The following PKHD1L1 variants were observed in gnomAD, a reference collection of about 807,000 sequenced individuals.
PKHD1L1 encodes fibrocystin-L.
PKHD1L1 carries 434 observed loss-of-function variants against 462.9 expected under a neutral mutation model. The observed-to-expected ratio is 0.94, with a 90% CI of 0.87 to 1.02. PKHD1L1 has a LOEUF of 1.02. PKHD1L1 is among the 50% of genes least tolerant of loss of function. PKHD1L1 has a pLI of 0.00. For missense variants in PKHD1L1, 5,202 were observed against 5,096.1 expected (o/e 1.02, Z -0.63); for synonymous variants, 1,781 against 1,750.0 (o/e 1.02, Z -0.44).
chr8:109,417,767 G>C lies in PKHD1L1; in HGVS notation c.2361-1330G>C, dbSNP rs367597964. ...GGGTTTCACCATATTGGTCAGGCTG[G>C]TCTCGAGCTCCTGACCTCGTGATCC... On this transcript the variant is annotated intron_variant, in intron 21 of 77. Coordinates refer to ENST00000378402, the MANE Select transcript of PKHD1L1 (RefSeq NM_177531.6). 3.6e-4 allele frequency among the ~76,000 whole-genome samples: 55 copies of C among 152,202 alleles called. 1 individual carries two copies. The East Asian group carries it at 8.7e-3, about 24-fold the overall frequency.
chr8:109,389,015 G>A (rs2130469987), intron 7 of PKHD1L1, 64 bp from the exon 8 acceptor site: 3 of 1,131,610 alleles, frequency 2.7e-6, no homozygotes, highest in South Asian at 3.0e-5. Context: ...GTTTTTAAGA[G>A]AAACACAATA....
rs1163073172 is a variant in PKHD1L1, at chr8:109,445,021, G to C, written c.5152G>C (p.Ala1718Pro). Residue 1718 changes from alanine to proline, a missense_variant, in exon 38 of 78, where the codon GCC becomes CCC. Coordinates refer to ENST00000378402, the MANE Select transcript of PKHD1L1 (RefSeq NM_177531.6). Reference sequence around the variant, plus strand: ...CATTGAATGTGAAACATCCCCTGCTGCCCAACAGCTTGTGGATGTAGATCT... The same window carrying C: ...CATTGAATGTGAAACATCCCCTGCTCCCCAACAGCTTGTGGATGTAGATCT... The part of the protein sequence containing the change: ...TAIECETSPA[A>P]QQLVDVDLLI... The C allele has an allele frequency of 1.9e-6, 3 of 1,613,844 alleles. No individual in the cohort carries two copies. The African/African-American group carries it at 4.0e-5, about 22-fold the overall frequency.
At chr8:109,516,146 A>G (rs1011647807) in intron 72 of PKHD1L1, among the ~76,000 whole-genome samples, 1 of 152,150 alleles carries the variant, frequency 6.6e-6, no homozygotes, top group African/African-American at 2.4e-5. Context: ...TTGTTACTAC[A>G]TCATAGTAAC....
chr8:109,448,223 A>G lies in PKHD1L1; in HGVS notation c.5857A>G (p.Ile1953Val), dbSNP rs753876545. The G allele has an allele frequency of 6.2e-7, 1 of 1,613,430 alleles. No individual in the cohort carries two copies. The highest frequency in any genetic ancestry group is 8.5e-7 in the Non-Finnish European group (1 of 1,179,716). ...ILEISVMINN[I>V]QCNVTMANDS... ...GGAAATCTCCGTGATGATAAATAAC[A>G]TTCAGTGTAATGTAACCATGGCCAA... Residue 1953 changes from isoleucine to valine, a missense_variant, in exon 39 of 78, where the codon ATT becomes GTT. Coordinates refer to ENST00000378402, the MANE Select transcript of PKHD1L1 (RefSeq NM_177531.6).
At chr8:109,470,217 T>C in intron 50 of PKHD1L1, 2 of 1,105,536 alleles carry the variant, frequency 1.8e-6, no homozygotes, top group South Asian at 1.4e-5. Flanking sequence ...CCAGTTACTC[T>C]ACTGAGCCTT....
At chr8:109,371,006 T>A (rs1363397401) in intron 2 of PKHD1L1, among the ~76,000 whole-genome samples, 1 of 152,212 alleles carries the variant, frequency 6.6e-6, no homozygotes, top group Non-Finnish European at 1.5e-5. Flanking sequence ...TGATTTATAA[T>A]CCTTTGGGTA....
chr8:109,442,065 A>G lies in PKHD1L1; in HGVS notation c.4263A>G (p.Thr1421=). Residue 1421 remains threonine, a synonymous_variant, in exon 35 of 78, where the codon ACA becomes ACG. Coordinates refer to ENST00000378402, the MANE Select transcript of PKHD1L1 (RefSeq NM_177531.6). Reference sequence around the variant, plus strand: ...TCCTAAATGTGTCTGTGGGGGACACAGTGGCATGGCATTGGCAAACACATC... The same window carrying G: ...TCCTAAATGTGTCTGTGGGGGACACGGTGGCATGGCATTGGCAAACACATC... ...PPVLNVSVGD[T]VAWHWQTHPF... is the part of the protein sequence containing the mutation. 6.2e-7 allele frequency: 1 copy of G among 1,613,530 alleles called. No homozygotes were observed. Among genetic ancestry groups the G allele is most frequent in the Non-Finnish European group, 8.5e-7 (1 of 1,179,592 alleles).
In PKHD1L1 at chr8:109,454,240, T is replaced by C; in HGVS notation, c.6738T>C (p.Val2246=). The change falls in exon 44 of 78, where the codon GTT becomes GTC. Residue 2246 remains valine, a synonymous_variant. Transcript: ENST00000378402. ...ATATTCTAATTACAGATGGAGGTGT[T>C]CTTCAGGTATTCAAAAGAACATAAT... The part of the protein sequence containing the change: ...AENILITDGG[V]LQIGTETSPF... 6.3e-7 allele frequency: 1 copy of C among 1,598,554 alleles called. No individual in the cohort carries two copies. Among genetic ancestry groups the C allele is most frequent in the Non-Finnish European group, 8.5e-7 (1 of 1,171,760 alleles).
chr8:109,404,956 T>C (rs1202428103), intron 15 of PKHD1L1, 39 bp from the exon 16 acceptor site: 1 of 1,308,644 alleles, frequency 7.6e-7, no homozygotes, highest in South Asian at 1.6e-5. Flanking sequence ...GATATATATA[T>C]TTTTCATATA....
At chr8:109,454,953 G>C (rs1474676548) in intron 45 of PKHD1L1, 101 bp downstream of exon 45, 14 of 1,394,070 alleles carry the variant, frequency 1.0e-5, no homozygotes, top group Non-Finnish European at 1.3e-5. Context: ...GTGATAAAGT[G>C]AAAGTGTGTT....
At chr8:109,373,828 T>G (rs1413400451) in intron 2 of PKHD1L1, among the ~76,000 whole-genome samples, 1 of 152,374 alleles carries the variant, frequency 6.6e-6, no homozygotes, top group Admixed American at 6.5e-5. Flanking sequence ...AGTGAGTTTC[T>G]TAATCCTGAG....
At position 109,429,469 on chromosome 8, in the gene PKHD1L1, T is replaced by C; in HGVS notation, c.3123+7T>C. ...ACCCAGTCAACAGCCACAGGTATTT[T>C]TGAAACTTTTCTCATGATGCTTAAT... On this transcript the variant is annotated splice_region_variant and intron_variant, in intron 26 of 77. Transcript: ENST00000378402. 6.2e-7 allele frequency: 1 copy of C among 1,603,568 alleles called. No homozygotes were observed. Among genetic ancestry groups the C allele is most frequent in the Non-Finnish European group, 8.5e-7 (1 of 1,174,374 alleles).
At chr8:109,387,312 C>CTAAAAAG in intron 6 of PKHD1L1, among the ~76,000 whole-genome samples, 1 of 152,098 alleles carries the variant, frequency 6.6e-6, no homozygotes, top group Non-Finnish European at 1.5e-5. Flanking sequence ...AAAAAGAATT[C>CTAAAAAG]TAAAAAGTAT....
At chr8:109,374,062 A>G (rs1318869987) in intron 2 of PKHD1L1, among the ~76,000 whole-genome samples, 1 of 151,952 alleles carries the variant, frequency 6.6e-6, no homozygotes, top group African/African-American at 2.4e-5. Context: ...TATCCTTGTT[A>G]ACTTTCTGTC....
chr8:109,424,432 G>A (rs904888972), intron 23 of PKHD1L1, among the ~76,000 whole-genome samples: 14 of 152,092 alleles, frequency 9.2e-5, no homozygotes, highest in African/African-American at 1.2e-4. Context: ...TAGCACTAAT[G>A]TTTATTCATT....
chr8:109,434,504 T>C (rs1815288162), intron 28 of PKHD1L1, among the ~76,000 whole-genome samples: 1 of 152,184 alleles, frequency 6.6e-6, no homozygotes, highest in Non-Finnish European at 1.5e-5. Flanking sequence ...AGTCTCATTC[T>C]GTTGCCCAGG....
rs376967492 is a variant in PKHD1L1 at position 109,441,381 on chromosome 8, T to C, written c.4204+2T>C. ...TTACCAACAATGGGAAAGATTCAGGTATCAGCCATTTATATACTATGAAAT... is the reference window on the plus strand; with the variant it reads ...TTACCAACAATGGGAAAGATTCAGGCATCAGCCATTTATATACTATGAAAT... On this transcript the variant is annotated splice_donor_variant, in intron 34 of 77. Transcript: ENST00000378402. LOFTEE classifies it high-confidence loss of function. 15 of 1,500,118 alleles carry C rather than the reference T, an allele frequency of 1.0e-5. No individual in the cohort carries two copies. The highest frequency in any genetic ancestry group is 1.4e-5 in the Non-Finnish European group (15 of 1,092,074). The allele number at this position is 1,500,118 out of a possible 1,614,324, so 92.9% of individuals were successfully genotyped here. A position where few individuals can be genotyped will look rare whatever the true frequency, so the allele number is the denominator to read the frequency against.
chr8:109,507,088 T>A (rs1237363518), intron 68 of PKHD1L1, among the ~76,000 whole-genome samples: 1 of 152,126 alleles, frequency 6.6e-6, no homozygotes, highest in East Asian at 1.9e-4. Flanking sequence ...TATCTATATA[T>A]CCATAAACAA....
intron 24 of PKHD1L1, among the ~76,000 whole-genome samples, 196 bp downstream of exon 24, chr8:109,425,428 G>A (rs1217681099): frequency 6.6e-6 from 1 of 151,430 alleles, no homozygotes; most frequent in African/African-American, 2.4e-5. Context: ...TACCATATTA[G>A]GGTCAATTAA....
Sources: allele counts gnomAD v4.1 joint callset (sites outside exome capture counted in the v4.1 genomes callset), GRCh38; gene constraint gnomAD v4.1.1; transcripts MANE v1.5; gene names NCBI Gene and HGNC (gene_info 2026-07-23, HGNC 2026-07-21).